BBOX1: variants seen among roughly 807,000 people sequenced by gnomAD.
BBOX1 encodes gamma-butyrobetaine hydroxylase 1, also known as gamma-butyrobetaine dioxygenase.
BBOX1 carries 35 observed loss-of-function variants against 41.6 expected under a neutral mutation model. That is an observed-to-expected ratio of 0.84 (90% CI 0.64 to 1.11). The LOEUF (loss-of-function observed/expected upper bound fraction) is 1.11, where lower values mean the gene tolerates loss of function less well. Ranked by LOEUF, BBOX1 falls within the 50% of genes most tolerant of loss-of-function variation. BBOX1 has a pLI of 0.00. For synonymous variants in BBOX1, 163 were observed against 154.7 expected (o/e 1.05, Z -0.40); for missense variants, 458 against 460.6 (o/e 0.99, Z 0.05).
intron 3 of BBOX1, 150 bp from the exon 4 acceptor site, chr11:27,057,051 G>A (rs544288686): frequency 4.5e-5 from 6 of 133,536 alleles, no homozygotes; most frequent in Non-Finnish European, 6.9e-5. Context: ...GGCAACAGAG[G>A]AAGACTCCGA....
At chr11:27,085,554 C>CAT (rs1858004667) in intron 4 of BBOX1, among the ~76,000 whole-genome samples, 3 of 71,024 alleles carry the variant, frequency 4.2e-5, no homozygotes, top group Admixed American at 1.4e-4. Flanking sequence ...CACATTCCCC[C>CAT]ATCTCTCTCT....
chr11:27,099,307 T>C (rs767546294), intron 5 of BBOX1, among the ~76,000 whole-genome samples: 4 of 151,984 alleles, frequency 2.6e-5, no homozygotes, highest in Admixed American at 6.6e-5. Context: ...ACAAGTTGCA[T>C]TAATACATGT....
At chr11:27,058,241 G>C (rs1857043723) in intron 4 of BBOX1, among the ~76,000 whole-genome samples, 1 of 152,140 alleles carries the variant, frequency 6.6e-6, no homozygotes, top group East Asian at 1.9e-4. Flanking sequence ...CATCATGATT[G>C]TAAGTTCCTG....
At chr11:27,104,266 G>A (rs1564982138) in intron 5 of BBOX1, among the ~76,000 whole-genome samples, 1 of 152,140 alleles carries the variant, frequency 6.6e-6, no homozygotes, top group Non-Finnish European at 1.5e-5. Context: ...ACACCTGTTA[G>A]TGATTTGGGA....
intron 4 of BBOX1, among the ~76,000 whole-genome samples, chr11:27,091,328 C>A (rs190526226): frequency 6.6e-6 from 1 of 151,956 alleles, no homozygotes; most frequent in African/African-American, 2.4e-5. Context: ...AAACCTACTG[C>A]ATATCACCAT....
chr11:27,086,293 C>G (rs1858037775), intron 4 of BBOX1, among the ~76,000 whole-genome samples: 1 of 152,018 alleles, frequency 6.6e-6, no homozygotes, highest in African/African-American at 2.4e-5. Flanking sequence ...CTTCAACACT[C>G]CAAAAAACAG....
intron 5 of BBOX1, among the ~76,000 whole-genome samples, chr11:27,107,912 A>G (rs1590218240): frequency 1.3e-5 from 2 of 152,222 alleles, no homozygotes; most frequent in African/African-American, 4.8e-5. Context: ...CTTTCTTGGC[A>G]TGATTCATTT....
At chr11:27,077,678 C>T (rs1270850038) in intron 4 of BBOX1, among the ~76,000 whole-genome samples, 1 of 148,522 alleles carries the variant, frequency 6.7e-6, no homozygotes, top group African/African-American at 2.5e-5. Flanking sequence ...AATATTTGTT[C>T]TTGAAAAATG....
chr11:27,054,931 G>A (rs954231836), intron 2 of BBOX1, among the ~76,000 whole-genome samples: 2 of 152,132 alleles, frequency 1.3e-5, no homozygotes, highest in Non-Finnish European at 2.9e-5. Context: ...TCATAAAGAC[G>A]AGTTTACTAA....
At chr11:27,049,117 T>C (rs1288630185) in intron 2 of BBOX1, among the ~76,000 whole-genome samples, 1 of 80,698 alleles carries the variant, frequency 1.2e-5, no homozygotes, top group Non-Finnish European at 2.4e-5. Context: ...ATGGTGTATA[T>C]GTGCCACATA....
chr11:27,081,495 G>A (rs1479924374), intron 4 of BBOX1, among the ~76,000 whole-genome samples: 3 of 152,090 alleles, frequency 2.0e-5, no homozygotes, highest in Non-Finnish European at 4.4e-5. Flanking sequence ...TTGCTATTGT[G>A]AATAGTGCCA....
chr11:27,072,368 C>T (rs534780131), intron 4 of BBOX1, among the ~76,000 whole-genome samples: 2 of 152,012 alleles, frequency 1.3e-5, no homozygotes, highest in Non-Finnish European at 2.9e-5. Flanking sequence ...TTACAGGGGA[C>T]GTGAAGGACC....
intron 5 of BBOX1, among the ~76,000 whole-genome samples, chr11:27,097,189 G>C (rs955355846): frequency 3.7e-5 from 3 of 81,194 alleles, no homozygotes; most frequent in African/African-American, 1.3e-4. Flanking sequence ...TACAGACTAG[G>C]CCAAAATGCC....
At chr11:27,095,620 G>A (rs1199853638) in intron 5 of BBOX1, among the ~76,000 whole-genome samples, 3 of 151,814 alleles carry the variant, frequency 2.0e-5, no homozygotes, top group South Asian at 2.1e-4. Flanking sequence ...GCCAGAAAAC[G>A]CCTTTCTTTC....
chr11:27,058,230 C>T (rs866587934), intron 4 of BBOX1, among the ~76,000 whole-genome samples: 3 of 152,196 alleles, frequency 2.0e-5, no homozygotes, highest in Admixed American at 1.3e-4. Flanking sequence ...CCTTCACCTT[C>T]CATCATGATT....
At chr11:27,113,391 A>G (rs1366962909) in intron 5 of BBOX1, among the ~76,000 whole-genome samples, 1 of 151,976 alleles carries the variant, frequency 6.6e-6, no homozygotes, top group East Asian at 1.9e-4. Context: ...TAGCAAAGAC[A>G]TAGAATCAAC....
chr11:27,061,042 A>G (rs575624142), intron 4 of BBOX1, among the ~76,000 whole-genome samples: 1 of 152,324 alleles, frequency 6.6e-6, no homozygotes, highest in African/African-American at 2.4e-5. Flanking sequence ...TCTGGTACTC[A>G]AAATATTTTT....
At chr11:27,090,045 C>T (rs1163146383) in intron 4 of BBOX1, among the ~76,000 whole-genome samples, 3 of 151,996 alleles carry the variant, frequency 2.0e-5, no homozygotes, top group East Asian at 1.9e-4. Flanking sequence ...CATCTATTGC[C>T]TCTCTGAGAA....
At chr11:27,125,226 A>G (rs1182873311) in intron 7 of BBOX1, among the ~76,000 whole-genome samples, 1 of 152,214 alleles carries the variant, frequency 6.6e-6, no homozygotes, top group East Asian at 1.9e-4. Flanking sequence ...TAAAAAATAG[A>G]ATTTTCTTCC....
Sources: allele counts gnomAD v4.1 joint callset (sites outside exome capture counted in the v4.1 genomes callset), GRCh38; gene constraint gnomAD v4.1.1; transcripts MANE v1.5; gene names NCBI Gene and HGNC (gene_info 2026-07-23, HGNC 2026-07-21).